Variants in CDK19 observed in about 807,000 individuals in gnomAD.
CDK19 encodes cyclin dependent kinase 19.
CDK19 carries 20 observed loss-of-function variants against 68.3 expected under a neutral mutation model. The observed-to-expected ratio is 0.29, with a 90% CI of 0.21 to 0.43. The LOEUF (loss-of-function observed/expected upper bound fraction) is 0.43, where lower values mean the gene tolerates loss of function less well. Among genes scored for constraint, CDK19 ranks in the 20% least tolerant of loss-of-function variants. The pLI is 1.00. For missense variants in CDK19, 339 were observed against 623.5 expected (o/e 0.54, Z 4.86); for synonymous variants, 221 against 222.8 (o/e 0.99, Z 0.07).
intron 2 of CDK19, among the ~76,000 whole-genome samples, chr6:110,731,412 A>G (rs1356106941): frequency 6.6e-6 from 1 of 152,164 alleles, no homozygotes; most frequent in Non-Finnish European, 1.5e-5. Context: ...GATTTAGATT[A>G]GTGGTTGCCA....
chr6:110,795,440 T>C (rs925405653), intron 1 of CDK19, among the ~76,000 whole-genome samples: 2 of 152,128 alleles, frequency 1.3e-5, no homozygotes, highest in African/African-American at 4.8e-5. Flanking sequence ...TGTAGGAAAA[T>C]CATAGAGAAA....
intron 4 of CDK19, among the ~76,000 whole-genome samples, chr6:110,654,207 G>A (rs1226873614): frequency 6.6e-6 from 1 of 152,138 alleles, no homozygotes; most frequent in Non-Finnish European, 1.5e-5. Flanking sequence ...AAAACCCTCA[G>A]TTCATGCTCC....
At chr6:110,714,706 T>C (rs1419916571) in intron 2 of CDK19, among the ~76,000 whole-genome samples, 1 of 149,022 alleles carries the variant, frequency 6.7e-6, no homozygotes, top group Non-Finnish European at 1.5e-5. Flanking sequence ...ATATCTTCTT[T>C]GGAAAAATGT....
chr6:110,621,177 G>A lies in CDK19; in HGVS notation c.1304C>T (p.Pro435Leu). 6.2e-7 allele frequency: 1 copy of A among 1,614,144 alleles called. No individual in the cohort carries two copies. The highest frequency in any genetic ancestry group is 8.5e-7 in the Non-Finnish European group (1 of 1,180,038). ...HSQDSSLNQVPPNKKPRLGPS... is the reference protein window; with the variant it reads ...HSQDSSLNQVLPNKKPRLGPS... ...CCCTAGCCGTGGCTTCTTGTTTGGA[G>A]GCACCTGGTTCAGGCTGGAGTCCTG... The change falls in exon 12 of 13, where the codon CCT (proline) becomes CTT (leucine). Residue 435 changes from proline to leucine, a missense_variant. By Grantham distance (98) the Pro-to-Leu change is moderately conservative (BLOSUM62 -3). Coordinates refer to ENST00000368911, the MANE Select transcript of CDK19 (RefSeq NM_015076.5). This position sits in a 1 kb window ranked among gnomAD's most constrained non-coding sequence, Gnocchi z 5.4.
chr6:110,814,819 C>G, intron 1 of CDK19, 190 bp downstream of exon 1: 2 of 750,614 alleles, frequency 2.7e-6, no homozygotes, highest in Middle Eastern at 2.3e-4. Flanking sequence ...GTTCGAGGTA[C>G]GCGACGGGGC....
At chr6:110,716,417 A>G (rs1463223039) in intron 2 of CDK19, among the ~76,000 whole-genome samples, 1 of 152,100 alleles carries the variant, frequency 6.6e-6, no homozygotes, top group Non-Finnish European at 1.5e-5. Context: ...TAATTGAAAA[A>G]TTGTAACAAA....
intron 3 of CDK19, 60 bp from the exon 4 acceptor site, chr6:110,667,634 ACAAT>A: frequency 1.2e-6 from 1 of 866,216 alleles, no homozygotes; most frequent in Non-Finnish European, 1.7e-6. Context: ...CCAATAAAAC[ACAAT>A]CAATGCTGTA....
chr6:110,632,568 T>C (rs576810728), intron 5 of CDK19, among the ~76,000 whole-genome samples: 2 of 152,224 alleles, frequency 1.3e-5, no homozygotes, highest in East Asian at 1.9e-4. Flanking sequence ...CCATCTCTAC[T>C]AAAAATACAA....
At chr6:110,772,176 T>C (rs1780063188) in intron 1 of CDK19, among the ~76,000 whole-genome samples, 1 of 152,066 alleles carries the variant, frequency 6.6e-6, no homozygotes, top group Non-Finnish European at 1.5e-5. Context: ...TACCTGAGAT[T>C]GGGAAGAAAA....
chr6:110,742,992 G>A (rs536225153), intron 2 of CDK19, among the ~76,000 whole-genome samples: 1 of 152,124 alleles, frequency 6.6e-6, no homozygotes, highest in East Asian at 1.9e-4. Context: ...CGGCTCAGGG[G>A]ACATCACAGA....
chr6:110,627,299 CAT>C (rs780767126), intron 6 of CDK19, among the ~76,000 whole-genome samples, 154 bp from the exon 7 acceptor site: 2 of 151,218 alleles, frequency 1.3e-5, no homozygotes, highest in African/African-American at 4.8e-5. Context: ...TGTATTTTGA[CAT>C]ATGTGTGGGT....
chr6:110,798,233 A>G (rs898863070), intron 1 of CDK19, among the ~76,000 whole-genome samples: 9 of 152,132 alleles, frequency 5.9e-5, no homozygotes, highest in Admixed American at 2.6e-4. Flanking sequence ...TTAATAGTAC[A>G]TTATGTAAGA....
intron 1 of CDK19, among the ~76,000 whole-genome samples, chr6:110,765,407 G>C (rs902034402): frequency 6.6e-6 from 1 of 151,898 alleles, no homozygotes; most frequent in African/African-American, 2.4e-5. Context: ...GGTCAGACGC[G>C]GTGGCTCACG....
chr6:110,656,280 C>T (rs1213762247), intron 4 of CDK19, among the ~76,000 whole-genome samples: 1 of 152,124 alleles, frequency 6.6e-6, no homozygotes, highest in Non-Finnish European at 1.5e-5. Flanking sequence ...TATTAAGAAG[C>T]CAAATATGTT....
chr6:110,787,712 G>A (rs535761875), intron 1 of CDK19, among the ~76,000 whole-genome samples: 36 of 152,348 alleles, frequency 2.4e-4, no homozygotes, highest in African/African-American at 8.4e-4. Flanking sequence ...AAAGTGCTGG[G>A]ATTTATAGGC....
intron 2 of CDK19, among the ~76,000 whole-genome samples, chr6:110,690,937 C>A: frequency 6.6e-6 from 1 of 151,906 alleles, no homozygotes; most frequent in African/African-American, 2.4e-5. Flanking sequence ...GACAAGGAAC[C>A]AGAAAAATAA....
At chr6:110,705,868 G>C (rs1481364736) in intron 2 of CDK19, among the ~76,000 whole-genome samples, 2 of 152,052 alleles carry the variant, frequency 1.3e-5, no homozygotes, top group African/African-American at 2.4e-5. Flanking sequence ...TAGGGAGCAG[G>C]GATAGCATTA....
At chr6:110,723,151 C>CA (rs34599467) in intron 2 of CDK19, among the ~76,000 whole-genome samples, 68,661 of 132,030 alleles carry the variant, frequency 0.52, 19,585 homozygotes, top group Admixed American at 0.68. Context: ...AAACAAAAAA[C>CA]AAAAAAAAAA....
At chr6:110,635,665 G>A (rs879441051) in intron 5 of CDK19, among the ~76,000 whole-genome samples, 5 of 152,002 alleles carry the variant, frequency 3.3e-5, no homozygotes, top group African/African-American at 9.7e-5. Flanking sequence ...TCAGCCTCCC[G>A]AGTAGCTGGG....
Sources: allele counts gnomAD v4.1 joint callset (sites outside exome capture counted in the v4.1 genomes callset), GRCh38; gene constraint gnomAD v4.1.1; non-coding constraint Gnocchi (gnomAD v3.1); transcripts MANE v1.5; gene names NCBI Gene and HGNC (gene_info 2026-07-23, HGNC 2026-07-21).